The following FER variants were observed in gnomAD, a reference collection of about 807,000 sequenced individuals.
FER encodes the protein FER tyrosine kinase, also known as tyrosine-protein kinase Fer.
Under a neutral mutation model 111.0 loss-of-function variants are expected in FER, and 63 were observed. The observed-to-expected ratio is 0.57, with a 90% CI of 0.46 to 0.70. The LOEUF is 0.70. Ranked by LOEUF, FER falls within the 30% of genes least tolerant of loss-of-function variation. The probability of loss-of-function intolerance (pLI) is 0.00; values close to 1 mark genes in which losing one functional copy is unlikely to be tolerated. For missense variants in FER, 914 were observed against 954.0 expected, an observed-to-expected ratio of 0.96 and a Z score of 0.55; for synonymous variants, 327 against 313.9, an observed-to-expected ratio of 1.04 and a Z score of -0.44.
chr5:108,935,566 T>A (rs946213013), intron 10 of FER, among the ~76,000 whole-genome samples: 1 of 152,090 alleles, frequency 6.6e-6, no homozygotes, highest in Non-Finnish European at 1.5e-5. Context: ...GTAGTCACCA[T>A]CCAACCCACC....
intron 13 of FER, among the ~76,000 whole-genome samples, chr5:109,005,766 G>C (rs905516310): frequency 2.0e-5 from 3 of 152,190 alleles, no homozygotes; most frequent in African/African-American, 7.2e-5. Flanking sequence ...TTCCTTAGCA[G>C]CAAGGACCAT....
chr5:108,898,105 G>T (rs151147455), intron 10 of FER, among the ~76,000 whole-genome samples: 1 of 152,242 alleles, frequency 6.6e-6, no homozygotes, highest in East Asian at 1.9e-4. Context: ...GACTGCAGTT[G>T]TTTTTATTCC....
chr5:109,137,286 C>T (rs1457798132), intron 17 of FER, among the ~76,000 whole-genome samples: 1 of 152,158 alleles, frequency 6.6e-6, no homozygotes, highest in African/African-American at 2.4e-5. Context: ...CAAGAGGCTG[C>T]TCTGTCTCTT....
chr5:108,886,612 G>T (rs1217177805), intron 9 of FER, among the ~76,000 whole-genome samples: 1 of 151,476 alleles, frequency 6.6e-6, no homozygotes, highest in Non-Finnish European at 1.5e-5. Flanking sequence ...GACATGAGTT[G>T]TTGACTCCAT....
chr5:108,884,512 G>GTT (rs776345488), intron 9 of FER, among the ~76,000 whole-genome samples: 20,277 of 144,074 alleles, frequency 0.14, 1,476 homozygotes, highest in Middle Eastern at 0.19. Flanking sequence ...CTTATGCCTG[G>GTT]TTTTTTTTTT....
chr5:108,934,392 G>A (rs1051658804), intron 10 of FER, among the ~76,000 whole-genome samples: 1 of 152,094 alleles, frequency 6.6e-6, no homozygotes, highest in Non-Finnish European at 1.5e-5. Context: ...TTATATGACA[G>A]CGTTGTAAAA....
rs547902542 is a variant in FER at position 109,140,988 on chromosome 5, T to C, written c.2049-39759T>C. On this transcript the variant is annotated intron_variant, in intron 17 of 19. Coordinates refer to ENST00000281092, the MANE Select transcript of FER (RefSeq NM_005246.4). Reference sequence around the variant, plus strand: ...ACAGTAGCTCCTATTCTTCCATATCTCGAGCATACCATGTTCAGAGACTTA... The same window carrying C: ...ACAGTAGCTCCTATTCTTCCATATCCCGAGCATACCATGTTCAGAGACTTA... Among the ~76,000 whole-genome samples, 7 of 152,272 alleles carry C rather than the reference T, an allele frequency of 4.6e-5. No homozygotes were observed. The South Asian group carries it at 1.5e-3, about 32-fold the overall frequency.
intron 13 of FER, among the ~76,000 whole-genome samples, chr5:108,960,333 C>T (rs1758976736): frequency 6.6e-6 from 1 of 151,930 alleles, no homozygotes; most frequent in South Asian, 2.1e-4. Flanking sequence ...GAGAGGGTGA[C>T]CTTTAATATT....
At chr5:108,931,291 A>G (rs969677420) in intron 10 of FER, among the ~76,000 whole-genome samples, 2 of 152,164 alleles carry the variant, frequency 1.3e-5, no homozygotes, top group African/African-American at 2.4e-5. Context: ...AACTTCAGCA[A>G]TAGTGATTGT....
chr5:108,906,586 CT>C (rs1750808676), intron 10 of FER, among the ~76,000 whole-genome samples: 1 of 151,872 alleles, frequency 6.6e-6, no homozygotes, highest in Non-Finnish European at 1.5e-5. Flanking sequence ...TAGAAGTCTG[CT>C]TTTTTCCTTT....
At chr5:108,918,661 G>A (rs1234931774) in intron 10 of FER, among the ~76,000 whole-genome samples, 2 of 151,836 alleles carry the variant, frequency 1.3e-5, no homozygotes, top group Non-Finnish European at 2.9e-5. Context: ...TAATTTTTTT[G>A]TATTTTTACT....
chr5:109,101,163 G>T (rs1397920303), intron 17 of FER, among the ~76,000 whole-genome samples: 1 of 151,884 alleles, frequency 6.6e-6, no homozygotes, highest in Non-Finnish European at 1.5e-5. Flanking sequence ...GTTTTTTAGT[G>T]CTAAATGTCA....
chr5:108,970,010 G>A (rs1760416015), intron 13 of FER, among the ~76,000 whole-genome samples: 1 of 147,666 alleles, frequency 6.8e-6, no homozygotes, highest in Admixed American at 6.6e-5. Flanking sequence ...CTAATGTTTT[G>A]TAGAACACTA....
chr5:109,175,215 A>G lies in FER; in HGVS notation c.2049-5532A>G, dbSNP rs77784686. 5.9e-3 allele frequency among the ~76,000 whole-genome samples: 897 copies of G among 152,336 alleles called. 16 individuals are homozygous for G. The highest frequency in any genetic ancestry group is 0.021 in the African/African-American group (861 of 41,570). On this transcript the variant is annotated intron_variant, in intron 17 of 19. Transcript: ENST00000281092. ...TCTGAGGCTAAATTCAAGTCTTCCT[A>G]TGATGAACGTACAGTTTTGTATGTG... is the stretch of plus-strand genomic sequence containing the variant.
At chr5:108,845,707 C>T (rs1473862016) in intron 5 of FER, among the ~76,000 whole-genome samples, 1 of 151,988 alleles carries the variant, frequency 6.6e-6, no homozygotes, top group Non-Finnish European at 1.5e-5. Context: ...TGTTCCTGAA[C>T]TTAGGTGTAA....
chr5:108,903,756 G>T (rs759409784), intron 10 of FER, among the ~76,000 whole-genome samples: 10 of 152,124 alleles, frequency 6.6e-5, no homozygotes, highest in Non-Finnish European at 1.3e-4. Flanking sequence ...GAGTTCTTAA[G>T]TATGAATTGT....
chr5:108,816,944 AT>A, intron 3 of FER, among the ~76,000 whole-genome samples: 1 of 151,762 alleles, frequency 6.6e-6, no homozygotes, highest in African/African-American at 2.4e-5. Flanking sequence ...TCTACCAAAA[AT>A]AAAAGAAAAT....
intron 14 of FER, among the ~76,000 whole-genome samples, chr5:109,040,614 G>A (rs2149890901): frequency 6.6e-6 from 1 of 152,248 alleles, no homozygotes; most frequent in Non-Finnish European, 1.5e-5. Flanking sequence ...AGGAACGGGA[G>A]GAGAGAATTA....
At chr5:108,897,944 T>TAA in intron 10 of FER, 96 bp downstream of exon 10, 1 of 1,129,464 alleles carries the variant, frequency 8.9e-7, no homozygotes, top group Non-Finnish European at 1.2e-6. Context: ...AACAAATTGT[T>TAA]ACTCTTGTTA....
Sources: allele counts gnomAD v4.1 joint callset (sites outside exome capture counted in the v4.1 genomes callset), GRCh38; gene constraint gnomAD v4.1.1; transcripts MANE v1.5; gene names NCBI Gene and HGNC (gene_info 2026-07-23, HGNC 2026-07-21).